Variants in WSB1 observed in about 807,000 individuals in gnomAD.
WSB1 encodes WD repeat and SOCS box containing 1.
Under a neutral mutation model 50.2 loss-of-function variants are expected in WSB1, and 23 were observed. The ratio of observed to expected loss-of-function variants is 0.46; its 90% CI spans 0.33 to 0.65. The LOEUF (loss-of-function observed/expected upper bound fraction) is 0.65, where lower values mean the gene tolerates loss of function less well. Among genes scored for constraint, WSB1 ranks in the 30% least tolerant of loss-of-function variants. WSB1 has a pLI of 0.02. For missense variants in WSB1, 492 were observed against 522.3 expected, an observed-to-expected ratio of 0.94 and a Z score of 0.56; for synonymous variants, 179 against 172.0, an observed-to-expected ratio of 1.04 and a Z score of -0.32.
chr17:27,306,976 C>T (rs937607755), intron 5 of WSB1, 94 bp downstream of exon 5: 46 of 1,183,004 alleles, frequency 3.9e-5, no homozygotes, highest in Non-Finnish European at 5.0e-5. Context: ...GAAGTCTGTG[C>T]TCGGTGTCAT....
intron 7 of WSB1, 145 bp from the exon 8 acceptor site, chr17:27,311,364 A>G (rs527444093): frequency 3.5e-6 from 2 of 567,222 alleles, no homozygotes; most frequent in Non-Finnish European, 6.0e-6. Context: ...TTGTAATTGT[A>G]TAAAGCAAGT....
Position 27,310,058 on chromosome 17 carries a change from C to T in WSB1, c.885-3C>T, listed in dbSNP as rs2017615099. On this transcript the variant is annotated splice_polypyrimidine_tract_variant and splice_region_variant and intron_variant, in intron 6 of 8. Coordinates refer to ENST00000262394, the MANE Select transcript of WSB1 (RefSeq NM_015626.10). ...TCCACTGAAAACATATATTTGACCT[C>T]AGGCACCTGTTTCCCCCACCTACTC... 1.2e-6 allele frequency: 2 copies of T among 1,613,486 alleles called. No individual in the cohort carries two copies. The highest frequency in any genetic ancestry group is 3.3e-5 in the Admixed American group (2 of 60,002).
Position 27,314,117 on chromosome 17 carries a change from G to C in WSB1, c.*1748G>C, listed in dbSNP as rs1488582313. 3 of 152,084 alleles carry C rather than the reference G, an allele frequency of 2.0e-5. No homozygotes were observed. The highest frequency in any genetic ancestry group is 2.0e-4 in the Admixed American group (3 of 15,278). 9.4% of individuals were successfully genotyped at this position (152,084 alleles called of 1,614,324 possible). A position where few individuals can be genotyped will look rare whatever the true frequency, so the allele number is the denominator to read the frequency against. On this transcript the variant is annotated 3_prime_UTR_variant, in exon 9 of 9. Coordinates refer to ENST00000262394, the MANE Select transcript of WSB1 (RefSeq NM_015626.10). ...TTAAGGAATGTAAAAATTTATAGGG[G>C]GTGTAGGGTTATCAATTTGAAAGCC...
At chr17:27,306,230 T>TTG (rs869066206) in intron 4 of WSB1, among the ~76,000 whole-genome samples, 8 of 136,758 alleles carry the variant, frequency 5.8e-5, no homozygotes, top group Non-Finnish European at 1.1e-4. Flanking sequence ...TTTTTTTTTT[T>TTG]GAGATGGAGT....
chr17:27,301,194 C>G (rs1283758969), intron 1 of WSB1, among the ~76,000 whole-genome samples: 2 of 152,106 alleles, frequency 1.3e-5, no homozygotes, highest in Admixed American at 6.6e-5. Flanking sequence ...TTTTAAAGCA[C>G]TGGTTTGGAG....
At chr17:27,306,373 C>A (rs1490102377) in intron 4 of WSB1, among the ~76,000 whole-genome samples, 9 of 151,864 alleles carry the variant, frequency 5.9e-5, no homozygotes, top group Admixed American at 2.0e-4. Context: ...CCACCATGCC[C>A]GGCTGATTTT....
rs767457808 is a variant in WSB1, at chr17:27,309,137, G to A, written c.749G>A (p.Arg250Gln). The A allele has an allele frequency of 7.4e-6, 12 of 1,611,692 alleles. No homozygotes were observed. Among genetic ancestry groups the A allele is most frequent in the East Asian group, 2.2e-5 (1 of 44,786 alleles). The change falls in exon 6 of 9, where the codon CGG becomes CAG. Residue 250 changes from arginine (R) to glutamine (Q), a missense_variant. Coordinates refer to ENST00000262394, the MANE Select transcript of WSB1 (RefSeq NM_015626.10). ...LWNMDKYTMIRKLEGHHHDVV... is the reference protein window; with the variant it reads ...LWNMDKYTMIQKLEGHHHDVV... ...AATATGGATAAATACACCATGATAC[G>A]GAAACTAGAAGGACATCACCATGAT... is the stretch of plus-strand genomic sequence containing the variant.
At chr17:27,311,704 T>C (rs2017690931) in intron 8 of WSB1, 88 bp downstream of exon 8, 1 of 967,456 alleles carries the variant, frequency 1.0e-6, no homozygotes, top group South Asian at 1.8e-5. Context: ...CAATCTCTGC[T>C]CACTGTAGCC....
Position 27,309,089 on chromosome 17 carries a change from T to C in WSB1, c.712-11T>C, listed in dbSNP as rs1286675346. 6.3e-7 allele frequency: 1 copy of C among 1,592,592 alleles called. No individual in the cohort carries two copies. The highest frequency in any genetic ancestry group is 1.3e-5 in the African/African-American group (1 of 74,504). On this transcript the variant is annotated splice_polypyrimidine_tract_variant and intron_variant, in intron 5 of 8. Transcript: ENST00000262394. ...CTGAATGAAGCTATAACATTTGCCT[T>C]TTTATTGCAGGTTTTCCTTTGGAAT...
chr17:27,302,093 T>C, intron 2 of WSB1, 137 bp downstream of exon 2: 1 of 1,122,974 alleles, frequency 8.9e-7, no homozygotes, highest in Non-Finnish European at 1.2e-6. Context: ...ATGGGCTGAA[T>C]ATATTTATTG....
chr17:27,307,700 T>A, intron 5 of WSB1: 1 of 1,528,652 alleles, frequency 6.5e-7, no homozygotes, highest in Non-Finnish European at 8.8e-7. Context: ...ATTGCTATTT[T>A]AGGCTGTGTG....
chr17:27,306,760 C>T, intron 4 of WSB1, 22 bp from the exon 5 acceptor site: 1 of 1,610,716 alleles, frequency 6.2e-7, no homozygotes, highest in South Asian at 1.1e-5. Context: ...AGGGTTAATA[C>T]AGATTATTTC....
chr17:27,307,691 T>C (rs1275710948), intron 5 of WSB1: 1 of 1,512,418 alleles, frequency 6.6e-7, no homozygotes, highest in African/African-American at 1.4e-5. Flanking sequence ...GATGTTGACA[T>C]TGCTATTTTA....
Position 27,313,875 on chromosome 17 carries a change from A to G in WSB1, c.*1506A>G, listed in dbSNP as rs2017782045. ...TTTAAAAGCATAGGGAAGCTCTAGA[A>G]CACAGGAAGGTGACTACTAAGCAAG... On this transcript the variant is annotated 3_prime_UTR_variant, in exon 9 of 9. Coordinates refer to ENST00000262394, the MANE Select transcript of WSB1 (RefSeq NM_015626.10). 1.3e-5 allele frequency: 2 copies of G among 152,242 alleles called. No homozygotes were observed. The highest frequency in any genetic ancestry group is 4.8e-5 in the African/African-American group (2 of 41,460). The allele number at this position is 152,242 out of a possible 1,614,324, so 9.4% of individuals were successfully genotyped here. A position where few individuals can be genotyped will look rare whatever the true frequency, so the allele number is the denominator to read the frequency against.
rs2017809073 is a variant in WSB1, at chr17:27,315,270, A to G, written c.*2901A>G. 6.6e-6 allele frequency: 1 copy of G among 152,242 alleles called. No homozygotes were observed. Among genetic ancestry groups the G allele is most frequent in the African/African-American group, 2.4e-5 (1 of 41,462 alleles). 9.4% of individuals were successfully genotyped at this position (152,242 alleles called of 1,614,324 possible). A position where few individuals can be genotyped will look rare whatever the true frequency, so the allele number is the denominator to read the frequency against. On this transcript the variant is annotated 3_prime_UTR_variant, in exon 9 of 9. Transcript: ENST00000262394. ...AGCCTGTCATTTGGAGAACTGGCAG[A>G]TCATTTATGTTCAGATTTAATTTTC...
chr17:27,307,482 C>T (rs2017508575), intron 5 of WSB1: 3 of 511,310 alleles, frequency 5.9e-6, no homozygotes, highest in Non-Finnish European at 1.0e-5. Context: ...ATCTCAGTAG[C>T]TTCAAGTATT....
Position 27,294,208 on chromosome 17 carries a change from C to G in WSB1, c.-188C>G. ...TCTATTGTCTGTGGTTGACTCCGTA[C>G]TTTGGTCTGAGGCCTTCGGGAGCTT... On this transcript the variant is annotated 5_prime_UTR_variant, in exon 1 of 9. Coordinates refer to ENST00000262394, the MANE Select transcript of WSB1 (RefSeq NM_015626.10). 2 of 643,328 alleles carry G rather than the reference C, an allele frequency of 3.1e-6. No individual in the cohort carries two copies. The highest frequency in any genetic ancestry group is 5.3e-6 in the Non-Finnish European group (2 of 380,846). The allele number at this position is 643,328 out of a possible 1,614,324, so 39.9% of individuals were successfully genotyped here.
intron 6 of WSB1, 32 bp downstream of exon 6, chr17:27,309,304 AT>A (rs764265106): frequency 4.1e-6 from 6 of 1,470,602 alleles, no homozygotes; most frequent in Non-Finnish European, 5.5e-6. Context: ...TTAGTCTATA[AT>A]TCATCTCCAC....
intron 5 of WSB1, 118 bp from the exon 6 acceptor site, chr17:27,308,982 C>T: frequency 1.5e-6 from 2 of 1,320,150 alleles, no homozygotes; most frequent in Non-Finnish European, 2.0e-6. Flanking sequence ...CTTTAAATTA[C>T]TCATAATTTA....
Sources: allele counts gnomAD v4.1 joint callset (sites outside exome capture counted in the v4.1 genomes callset), GRCh38; gene constraint gnomAD v4.1.1; transcripts MANE v1.5; gene names NCBI Gene and HGNC (gene_info 2026-07-23, HGNC 2026-07-21).